The following LRP1B variants were observed in gnomAD, a reference collection of about 807,000 sequenced individuals.
LRP1B encodes the protein low-density lipoprotein receptor-related protein 1B.
A neutral mutation model predicts 556.6 loss-of-function variants in LRP1B; 217 were observed. The observed-to-expected ratio is 0.39, with a 90% CI of 0.35 to 0.44. The LOEUF (loss-of-function observed/expected upper bound fraction) is 0.44. Among genes scored for constraint, LRP1B ranks in the 20% least tolerant of loss-of-function variants. The probability of loss-of-function intolerance (pLI) is 1.00; values close to 1 mark genes in which losing one functional copy is unlikely to be tolerated. For missense variants in LRP1B, 5,053 were observed against 5,620.8 expected (o/e 0.90, Z 3.23); for synonymous variants, 2,047 against 1,865.8 (o/e 1.10, Z -2.50).
In LRP1B at chr2:140,962,216, C is replaced by T. The variant is rs191160441; in HGVS notation, c.2888-10276G>A. Among the ~76,000 whole-genome samples, 12 of 152,160 alleles carry T rather than the reference C, an allele frequency of 7.9e-5. No individual in the cohort carries two copies. In the East Asian group the frequency reaches 1.9e-3, roughly 25 times the overall value. On this transcript the variant is annotated intron_variant, in intron 18 of 90. Transcript: ENST00000389484. The stretch of plus-strand genomic sequence containing the variant: ...AAATTATTCACTTAAAAGAATGTAG[C>T]GATCTTCAGAAAATTCACATATAAG...
At chr2:142,053,976 T>C (rs1434597517) in intron 1 of LRP1B, among the ~76,000 whole-genome samples, 1 of 152,082 alleles carries the variant, frequency 6.6e-6, no homozygotes, top group African/African-American at 2.4e-5. Context: ...AAACAATATT[T>C]GAGCTAATAG....
intron 2 of LRP1B, among the ~76,000 whole-genome samples, chr2:141,592,879 T>C (rs950040497): frequency 1.3e-5 from 2 of 152,164 alleles, no homozygotes; most frequent in Non-Finnish European, 2.9e-5. Context: ...ATAAAGCAAC[T>C]TGTCTGATGG....
At chr2:140,827,757 T>C (rs1222610708) in intron 31 of LRP1B, among the ~76,000 whole-genome samples, 1 of 152,088 alleles carries the variant, frequency 6.6e-6, no homozygotes, top group East Asian at 1.9e-4. Context: ...TATCTAGTTA[T>C]AGGAAGATCA....
intron 2 of LRP1B, among the ~76,000 whole-genome samples, chr2:141,613,443 T>A (rs1419863746): frequency 6.6e-6 from 1 of 152,166 alleles, no homozygotes. Flanking sequence ...ACTTTCACAT[T>A]TTTATTGCTT....
At chr2:141,536,385 C>T (rs904111273) in intron 2 of LRP1B, among the ~76,000 whole-genome samples, 3 of 151,950 alleles carry the variant, frequency 2.0e-5, no homozygotes, top group Non-Finnish European at 2.9e-5. Flanking sequence ...ATTGACCCTC[C>T]TTTCTCTCTA....
At chr2:141,646,744 G>A (rs6754567) in intron 2 of LRP1B, among the ~76,000 whole-genome samples, 90,868 of 152,006 alleles carry the variant, frequency 0.6, 27,391 homozygotes, top group African/African-American at 0.67. Context: ...AAATTCTGGG[G>A]AGGCTTCACT....
At chr2:140,236,228 C>T (rs957633692) in intron 89 of LRP1B, among the ~76,000 whole-genome samples, 2 of 150,868 alleles carry the variant, frequency 1.3e-5, no homozygotes, top group African/African-American at 4.8e-5. Context: ...GGGTTCAGAA[C>T]TAGACTGAAT....
chr2:141,425,063 TC>T (rs1680303273), intron 3 of LRP1B, among the ~76,000 whole-genome samples: 1 of 143,600 alleles, frequency 7.0e-6, no homozygotes, highest in Non-Finnish European at 1.5e-5. Flanking sequence ...ATGCTATCCC[TC>T]CCCCGTCCCC....
chr2:140,734,067 G>T lies in LRP1B; in HGVS notation c.5759-17251C>A, dbSNP rs767159657. 5.3e-5 allele frequency among the ~76,000 whole-genome samples: 8 copies of T among 152,214 alleles called. 1 individual carries two copies. Among genetic ancestry groups the T allele is most frequent in the African/African-American group, 1.7e-4 (7 of 41,546 alleles). ...CAACCATAATATATGGTAACAAAAAGTTCAGTGAAAATCCAATGGGGCAGA... is the reference window on the plus strand; with the variant it reads ...CAACCATAATATATGGTAACAAAAATTTCAGTGAAAATCCAATGGGGCAGA... On this transcript the variant is annotated intron_variant, in intron 35 of 90. Coordinates refer to ENST00000389484, the MANE Select transcript of LRP1B (RefSeq NM_018557.3).
At chr2:141,191,049 G>C (rs146165036) in intron 6 of LRP1B, among the ~76,000 whole-genome samples, 2 of 152,040 alleles carry the variant, frequency 1.3e-5, no homozygotes, top group African/African-American at 4.8e-5. Context: ...GTGGGAAACA[G>C]AGAAATCTGA....
chr2:141,172,577 G>A (rs763695630), intron 7 of LRP1B, among the ~76,000 whole-genome samples: 15 of 151,938 alleles, frequency 9.9e-5, no homozygotes, highest in Non-Finnish European at 1.5e-4. Flanking sequence ...ATAGATTACC[G>A]AACAAGTTTT....
chr2:141,123,103 G>T (rs1701105678), intron 7 of LRP1B, among the ~76,000 whole-genome samples: 1 of 152,036 alleles, frequency 6.6e-6, no homozygotes, highest in Non-Finnish European at 1.5e-5. Flanking sequence ...CTGTCATGGG[G>T]TGGGGAGAGG....
intron 3 of LRP1B, among the ~76,000 whole-genome samples, chr2:141,320,211 T>C (rs377574418): frequency 1.4e-4 from 21 of 152,136 alleles, no homozygotes; most frequent in African/African-American, 4.8e-4. Flanking sequence ...CAATAGTGTC[T>C]ACTCATTTAT....
At chr2:140,255,823 C>CT (rs767153454) in intron 86 of LRP1B, among the ~76,000 whole-genome samples, 12 of 152,188 alleles carry the variant, frequency 7.9e-5, no homozygotes, top group Non-Finnish European at 1.6e-4. Flanking sequence ...TCATTTCTCA[C>CT]TGAAAGGAAC....
intron 1 of LRP1B, among the ~76,000 whole-genome samples, chr2:142,079,544 G>T (rs140443437): frequency 0.013 from 1,911 of 151,534 alleles, 91 homozygotes; most frequent in Admixed American, 0.085. Context: ...GTCTCACTGT[G>T]TCGCCCAGGT....
chr2:141,833,238 C>A (rs1697167514), intron 1 of LRP1B, among the ~76,000 whole-genome samples: 1 of 151,724 alleles, frequency 6.6e-6, no homozygotes, highest in African/African-American at 2.4e-5. Flanking sequence ...TATATAATTT[C>A]TTCCTCTCTA....
intron 1 of LRP1B, among the ~76,000 whole-genome samples, chr2:141,930,858 C>G (rs1186148696): frequency 2.0e-5 from 3 of 151,980 alleles, no homozygotes; most frequent in Non-Finnish European, 4.4e-5. Flanking sequence ...ATCTCTTAGC[C>G]TTATATTTTC....
At chr2:141,188,387 T>A (rs749790642) in intron 7 of LRP1B, 34 bp downstream of exon 7, 1 of 1,590,856 alleles carries the variant, frequency 6.3e-7, no homozygotes, top group East Asian at 2.3e-5. Flanking sequence ...AAACGCAAAC[T>A]TTTTTAGACC....
chr2:141,565,794 T>C (rs1243279639), intron 2 of LRP1B, among the ~76,000 whole-genome samples: 3 of 152,206 alleles, frequency 2.0e-5, no homozygotes, highest in African/African-American at 7.2e-5. Context: ...AATCAGGAAA[T>C]GAAATCTTAA....
Sources: allele counts gnomAD v4.1 joint callset (sites outside exome capture counted in the v4.1 genomes callset), GRCh38; gene constraint gnomAD v4.1.1; transcripts MANE v1.5; gene names NCBI Gene and HGNC (gene_info 2026-07-23, HGNC 2026-07-21).